The following AVEN variants were observed in gnomAD, a reference collection of about 807,000 sequenced individuals.
The protein encoded by AVEN is cell death regulator Aven.
In AVEN, 41 loss-of-function variants were observed where a neutral mutation model predicts 38.1. That is an observed-to-expected ratio of 1.08 (90% confidence interval 0.84 to 1.40). AVEN has a LOEUF of 1.40. Ranked by LOEUF, AVEN falls within the 40% of genes most tolerant of loss-of-function variation. AVEN has a pLI of 0.00. For missense variants in AVEN, 605 were observed against 438.8 expected, an observed-to-expected ratio of 1.38 and a Z score of -3.38; for synonymous variants, 206 against 171.8, an observed-to-expected ratio of 1.20 and a Z score of -1.56.
intron 2 of AVEN, among the ~76,000 whole-genome samples, chr15:33,989,170 A>G (rs1415620749): frequency 6.6e-6 from 1 of 152,174 alleles, no homozygotes; most frequent in Non-Finnish European, 1.5e-5. Context: ...AAGCTAAATA[A>G]AAGAGAAGAT....
chr15:33,999,376 A>G (rs375307454), intron 2 of AVEN, among the ~76,000 whole-genome samples: 2 of 152,136 alleles, frequency 1.3e-5, no homozygotes, highest in East Asian at 3.9e-4. Context: ...TAGACTCTAC[A>G]CATACCTTTG....
intron 2 of AVEN, among the ~76,000 whole-genome samples, chr15:33,924,030 G>A (rs1261790850): frequency 6.6e-6 from 1 of 151,798 alleles, no homozygotes; most frequent in African/African-American, 2.4e-5. Context: ...TAGAAATAAA[G>A]TGCACAATAA....
Position 33,866,522 on chromosome 15 carries a change from T to C in AVEN, c.*91A>G. 1 of 896,322 alleles carries C rather than the reference T, an allele frequency of 1.1e-6. No homozygotes were observed. The highest frequency in any genetic ancestry group is 1.5e-5 in the South Asian group (1 of 65,298). 55.5% of individuals were successfully genotyped at this position (896,322 alleles called of 1,614,324 possible). A position where few individuals can be genotyped will look rare whatever the true frequency, so the allele number is the denominator to read the frequency against. On this transcript the variant is annotated 3_prime_UTR_variant, in exon 6 of 6. Coordinates refer to ENST00000306730, the MANE Select transcript of AVEN (RefSeq NM_020371.3). Reference sequence around the variant, plus strand: ...TGGAACACACTAGCTTGAGACATGCTTGTAAACTGGCTGGTCCTGAAGGAC... The same window carrying C: ...TGGAACACACTAGCTTGAGACATGCCTGTAAACTGGCTGGTCCTGAAGGAC...
downstream of AVEN, chr15:33,864,931 G>A (rs368249831): frequency 3.9e-6 from 2 of 511,460 alleles, no homozygotes; most frequent in Non-Finnish European, 3.5e-6. Flanking sequence ...CTCCTTCCCT[G>A]CCAGCATGTG....
At chr15:33,893,119 G>A (rs1221623542) in intron 2 of AVEN, among the ~76,000 whole-genome samples, 1 of 152,152 alleles carries the variant, frequency 6.6e-6, no homozygotes, top group Non-Finnish European at 1.5e-5. Flanking sequence ...GAGATTTTGG[G>A]CTGAGACAAT....
At chr15:34,055,117 G>A (rs985625437) in intron 5 of AVEN, among the ~76,000 whole-genome samples, 6 of 150,784 alleles carry the variant, frequency 4.0e-5, no homozygotes, top group East Asian at 2.0e-4. Context: ...ACTTGAACCC[G>A]GGAGGCGGCG....
Position 33,965,915 on chromosome 15 carries a change from A to C in AVEN, c.445+37117T>G, listed in dbSNP as rs180982579. Among the ~76,000 whole-genome samples, 26 of 77,486 alleles carry C rather than the reference A, an allele frequency of 3.4e-4. No homozygotes were observed. The East Asian group carries it at 7.6e-3, about 23-fold the overall frequency. 50.8% of individuals were successfully genotyped at this position (77,486 alleles called of 152,430 possible). On this transcript the variant is annotated intron_variant, in intron 2 of 5. Transcript: ENST00000306730. ...GTTCATCCTGTAGAAAGTAAAAATA[A>C]ATACAGCTTTTTATTAAAAAAAAAG... is the stretch of plus-strand genomic sequence containing the variant.
intron 2 of AVEN, among the ~76,000 whole-genome samples, chr15:33,895,824 C>A (rs1892212382): frequency 6.6e-6 from 1 of 152,156 alleles, no homozygotes; most frequent in Non-Finnish European, 1.5e-5. Flanking sequence ...TATAACTGCC[C>A]TCCACTAATT....
chr15:33,865,612 TCCAACTTG>T, downstream of AVEN: 1 of 167,186 alleles, frequency 6.0e-6, no homozygotes, highest in Non-Finnish European at 1.3e-5. Context: ...CATCATGGTA[TCCAACTTG>T]TGACTCATAG....
intron 2 of AVEN, chr15:33,972,542 A>T (rs1005578996): frequency 1.3e-5 from 2 of 152,226 alleles, no homozygotes; most frequent in African/African-American, 4.8e-5. Flanking sequence ...AACAAAAACA[A>T]AAACAAAAAA....
intron 2 of AVEN, among the ~76,000 whole-genome samples, chr15:33,881,957 G>A (rs1371984123): frequency 1.3e-5 from 2 of 152,162 alleles, no homozygotes; most frequent in African/African-American, 2.4e-5. Flanking sequence ...GTGTGTCTTA[G>A]GAGTCATAAG....
chr15:33,958,591 AAG>A (rs1279965223), intron 2 of AVEN, among the ~76,000 whole-genome samples: 8 of 89,078 alleles, frequency 9.0e-5, no homozygotes, highest in African/African-American at 2.2e-4. Context: ...ACCCTATCTC[AAG>A]AAAAAAAAAA....
intron 2 of AVEN, among the ~76,000 whole-genome samples, 168 bp downstream of exon 2, chr15:34,002,864 C>A (rs1897189637): frequency 6.6e-6 from 1 of 152,162 alleles, no homozygotes; most frequent in African/African-American, 2.4e-5. Flanking sequence ...CACTTAAACT[C>A]ATTTTTTTCC....
chr15:33,868,000 G>A, intron 4 of AVEN, 145 bp from the exon 5 acceptor site: 3 of 1,135,060 alleles, frequency 2.6e-6, no homozygotes, highest in South Asian at 3.5e-5. Context: ...CTCCTTTCCA[G>A]GCCCTGGTGG....
intron 2 of AVEN, among the ~76,000 whole-genome samples, chr15:33,961,809 T>C (rs1418885654): frequency 1.9e-5 from 1 of 53,206 alleles, no homozygotes; most frequent in Non-Finnish European, 3.3e-5. Context: ...TGAGACTCTG[T>C]CTCAAAAAAA....
In AVEN at chr15:33,859,664, G is replaced by T. The variant is rs199573561; in HGVS notation, n.2730-570C>A. The T allele has an allele frequency of 2.5e-6, 4 of 1,613,966 alleles. No homozygotes were observed. In the East Asian group the frequency reaches 8.9e-5, roughly 36 times the overall value. On this transcript the variant is annotated intron_variant and non_coding_transcript_variant, in intron 11 of 11. Coordinates refer to the AVEN transcript ENST00000675287. ...ACCCTGCTGGTGATCCTTATGAAAT[G>T]TATCGCATTGTCTTTGACATTACCT...
At chr15:33,880,800 T>C (rs1023526111) in intron 2 of AVEN, among the ~76,000 whole-genome samples, 4 of 152,002 alleles carry the variant, frequency 2.6e-5, no homozygotes, top group South Asian at 2.1e-4. Flanking sequence ...GATTAAGATA[T>C]TGGGGACATG....
chr15:33,925,705 C>T (rs1893583071), intron 2 of AVEN, among the ~76,000 whole-genome samples: 1 of 152,130 alleles, frequency 6.6e-6, no homozygotes, highest in South Asian at 2.1e-4. Context: ...CAAGGTACCA[C>T]AGTAAGGTTA....
chr15:33,964,393 T>C (rs1895310287), intron 2 of AVEN, among the ~76,000 whole-genome samples: 1 of 152,050 alleles, frequency 6.6e-6, no homozygotes, highest in Non-Finnish European at 1.5e-5. Flanking sequence ...GTGAAAAAAG[T>C]GGGTGCTATG....
Sources: allele counts gnomAD v4.1 joint callset (sites outside exome capture counted in the v4.1 genomes callset), GRCh38; gene constraint gnomAD v4.1.1; transcripts MANE v1.5; gene names NCBI Gene and HGNC (gene_info 2026-07-23, HGNC 2026-07-21).